The following HAVCR1 variants were observed in gnomAD, a reference collection of about 807,000 sequenced individuals.
The protein encoded by HAVCR1 is hepatitis A virus cellular receptor 1, also known as T cell immunoglobin domain and mucin domain protein 1.
HAVCR1 carries 34 observed loss-of-function variants against 32.0 expected under a neutral mutation model. That is an observed-to-expected ratio of 1.06 (90% CI 0.81 to 1.42). The LOEUF (loss-of-function observed/expected upper bound fraction) is 1.42. Ranked by LOEUF, HAVCR1 falls within the 40% of genes most tolerant of loss-of-function variation. The pLI is 0.00. For synonymous variants in HAVCR1, 178 were observed against 170.3 expected (o/e 1.05, Z -0.35); for missense variants, 420 against 442.3 (o/e 0.95, Z 0.45).
At chr5:157,056,641 A>G (rs1246849056) in intron 2 of HAVCR1, among the ~76,000 whole-genome samples, 1 of 152,034 alleles carries the variant, frequency 6.6e-6, no homozygotes, top group South Asian at 2.1e-4. Context: ...TGGCCTCCCA[A>G]AGTGCTGGGA....
In HAVCR1 at chr5:157,058,933, GCT is replaced by G. The variant is rs949602559; in HGVS notation, c.-27_-26del. On this transcript the variant is annotated 5_prime_UTR_variant, in exon 1 of 9. Transcript: ENST00000523175. ...GGAGCAGACTTACGTTCAGATCCAGGCTCTGTCACTCACAATGCTGGGTAACC... is the reference window on the plus strand; with the variant it reads ...GGAGCAGACTTACGTTCAGATCCAGGCTGTCACTCACAATGCTGGGTAACC... The G allele has an allele frequency of 2.0e-5, 3 of 152,192 alleles. No individual in the cohort carries two copies. The highest frequency in any genetic ancestry group is 7.2e-5 in the African/African-American group (3 of 41,446). 9.4% of individuals were successfully genotyped at this position (152,192 alleles called of 1,614,324 possible).
intron 2 of HAVCR1, among the ~76,000 whole-genome samples, chr5:157,057,307 C>A (rs1440465564): frequency 6.7e-6 from 1 of 148,282 alleles, no homozygotes. Flanking sequence ...CAGAGTGAGA[C>A]TCTGTCTCAA....
chr5:157,064,735 G>A, the HAVCR1 span, among the ~76,000 whole-genome samples: 26 of 152,242 alleles, frequency 1.7e-4, no homozygotes, highest in African/African-American at 5.5e-4. Context: ...AGGCATGGTC[G>A]TGGGTGCCTG....
chr5:157,044,637 G>GAAAGAA (rs1755234804), intron 5 of HAVCR1, among the ~76,000 whole-genome samples: 1 of 62,108 alleles, frequency 1.6e-5, no homozygotes, highest in African/African-American at 5.4e-5. Context: ...AAGAAAGAAA[G>GAAAGAA]AAAGAAAGAA....
chr5:157,045,224 T>TA (rs11374500), intron 5 of HAVCR1, among the ~76,000 whole-genome samples: 33,454 of 152,058 alleles, frequency 0.22, 3,886 homozygotes, highest in Middle Eastern at 0.35. Context: ...TCTCTCAAAA[T>TA]ATCTTAGTAT....
At chr5:157,048,144 TA>T (rs950722224) in intron 5 of HAVCR1, among the ~76,000 whole-genome samples, 4 of 152,230 alleles carry the variant, frequency 2.6e-5, no homozygotes, top group Non-Finnish European at 5.9e-5. Flanking sequence ...AATGCTCATG[TA>T]AATACAAATT....
upstream of HAVCR1, among the ~76,000 whole-genome samples, chr5:157,062,990 C>T (rs927998442): frequency 9.9e-5 from 15 of 151,620 alleles, no homozygotes; most frequent in African/African-American, 2.7e-4. Context: ...CGTGGTGGCG[C>T]GTGCCTGTAG....
chr5:157,041,385 C>T (rs954500443), intron 6 of HAVCR1, among the ~76,000 whole-genome samples: 5 of 151,934 alleles, frequency 3.3e-5, no homozygotes, highest in Non-Finnish European at 7.4e-5. Flanking sequence ...GTAATCCTAG[C>T]TACTTGGAAG....
At chr5:157,052,214 G>A (rs1755778601) in intron 4 of HAVCR1, 147 bp downstream of exon 4, 1 of 678,718 alleles carries the variant, frequency 1.5e-6, no homozygotes, top group South Asian at 1.9e-5. Flanking sequence ...TGGGAGTTGG[G>A]GAGGATCACA....
At chr5:157,063,793 T>G (rs1756543872), upstream of HAVCR1, among the ~76,000 whole-genome samples, 1 of 152,214 alleles carries the variant, frequency 6.6e-6, no homozygotes, top group Non-Finnish European at 1.5e-5. Context: ...GAATAGTCTC[T>G]ATTACTTTCA....
Position 157,029,826 on chromosome 5 carries a change from G to C in HAVCR1, c.1002C>G (p.Ser334Arg), listed in dbSNP as rs551851890. ...CATTTTGCAAAGCTTTAATTTGAAG[G>C]CTGCTAAATGAAACACTGTAGAAAG... ...EVQQLSVSFS[S>R]LQIKALQNAV... is the part of the protein sequence containing the mutation. The change falls in exon 9 of 9, where the codon AGC becomes AGG. Residue 334 changes from serine (S) to arginine (R), a missense_variant. By Grantham distance (110) the Ser-to-Arg change is moderately radical. Transcript: ENST00000523175. 1.6e-5 allele frequency: 25 copies of C among 1,612,224 alleles called. No individual in the cohort carries two copies. The East Asian group carries it at 1.6e-4, about 10-fold the overall frequency.
intron 5 of HAVCR1, among the ~76,000 whole-genome samples, chr5:157,046,676 G>A (rs1755414881): frequency 6.6e-6 from 1 of 152,162 alleles, no homozygotes; most frequent in Admixed American, 6.5e-5. Flanking sequence ...CAAGGCACAG[G>A]CTGATTACTC....
At chr5:157,064,352 A>AAAAAAAAG in the HAVCR1 span, among the ~76,000 whole-genome samples, 4 of 145,158 alleles carry the variant, frequency 2.8e-5, no homozygotes, top group East Asian at 2.0e-4. Flanking sequence ...AAAAAAAAAA[A>AAAAAAAAG]AAAGAAAGAA....
At chr5:157,057,447 GAAA>G (rs1756267442) in intron 2 of HAVCR1, among the ~76,000 whole-genome samples, 1 of 123,830 alleles carries the variant, frequency 8.1e-6, no homozygotes, top group Non-Finnish European at 1.9e-5. Context: ...AAGAAAGAAA[GAAA>G]GAAAGAAAGA....
chr5:157,044,259 G>C (rs188961513), intron 5 of HAVCR1, among the ~76,000 whole-genome samples: 1 of 151,430 alleles, frequency 6.6e-6, no homozygotes, highest in East Asian at 1.9e-4. Flanking sequence ...TTGAACTCAG[G>C]GGGTGGAGAT....
At chr5:157,062,207 T>G (rs148101381), upstream of HAVCR1, among the ~76,000 whole-genome samples, 11 of 152,152 alleles carry the variant, frequency 7.2e-5, no homozygotes, top group East Asian at 2.1e-3. Flanking sequence ...GGCAGTGAAT[T>G]GAAATGATTC....
rs10050772 is a variant in HAVCR1, at chr5:157,057,411, G to T, written c.46+487C>A. 2.5e-3 allele frequency among the ~76,000 whole-genome samples: 288 copies of T among 114,928 alleles called. 4 individuals are homozygous for T. The highest frequency in any genetic ancestry group is 8.4e-3 in the African/African-American group (269 of 32,188). 75.4% of individuals were successfully genotyped at this position (114,928 alleles called of 152,430 possible). A position where few individuals can be genotyped will look rare whatever the true frequency, so the allele number is the denominator to read the frequency against. On this transcript the variant is annotated intron_variant, in intron 2 of 8. Transcript: ENST00000523175. ...GGAAAGAAAGAAAGAAAGAAAGAAA[G>T]AAAGAAAGAAAGAAAGAAAGAAAGA...
At chr5:157,048,570 C>T (rs922809572) in intron 5 of HAVCR1, among the ~76,000 whole-genome samples, 4 of 152,178 alleles carry the variant, frequency 2.6e-5, no homozygotes, top group African/African-American at 9.7e-5. Context: ...GTGGCTGATG[C>T]CTGTAATCCC....
At chr5:157,067,947 G>C in the HAVCR1 span, among the ~76,000 whole-genome samples, 1 of 151,900 alleles carries the variant, frequency 6.6e-6, no homozygotes, top group Non-Finnish European at 1.5e-5. Context: ...CAAAGTGCTG[G>C]GATTACAGGC....
Sources: gnomAD v4.1 joint callset for allele counts (sites outside exome capture counted in the v4.1 genomes callset) on GRCh38, gnomAD v4.1.1 for gene constraint, MANE v1.5 for transcripts, NCBI Gene and HGNC (gene_info 2026-07-23, HGNC 2026-07-21) for gene names.